JMJD8: variants seen among roughly 807,000 people sequenced by gnomAD.
JMJD8 encodes jumonji domain containing 8.
JMJD8 carries 56 observed loss-of-function variants against 37.6 expected under a neutral mutation model. That is an observed-to-expected ratio of 1.49 (90% CI 1.20 to 1.86). JMJD8 has a LOEUF of 1.86. Among genes scored for constraint, JMJD8 ranks in the 40% most tolerant of loss-of-function variants. JMJD8 has a pLI of 0.00. For missense variants in JMJD8, 542 were observed against 362.7 expected, an observed-to-expected ratio of 1.49 and a Z score of -4.01; for synonymous variants, 261 against 163.7, an observed-to-expected ratio of 1.59 and a Z score of -4.54.
At position 681,708 on chromosome 16, in the gene JMJD8, G is replaced by A. The variant is rs2039660354; in HGVS notation, c.*1086C>T. The A allele has an allele frequency of 1.3e-6, 2 of 1,553,204 alleles. No individual in the cohort carries two copies. Among genetic ancestry groups the A allele is most frequent in the East Asian group, 2.3e-5 (1 of 44,174 alleles). On this transcript the variant is annotated 3_prime_UTR_variant, in exon 9 of 9. Coordinates refer to ENST00000609261, the MANE Select transcript of JMJD8 (RefSeq NM_001005920.4). ...TTTACTGGCAAGCAGGAAATGTGGG[G>A]AAGTGTGGATGTTAGCTCTGAGATT...
rs749604959 is a variant in JMJD8, at chr16:683,882, C to G, written c.204G>C (p.Leu68=). The G allele has an allele frequency of 6.3e-7, 1 of 1,585,374 alleles. No individual in the cohort carries two copies. The highest frequency in any genetic ancestry group is 1.8e-5 in the Admixed American group (1 of 56,482). The change falls in exon 3 of 9, where the codon CTG becomes CTC. Residue 68 remains leucine, a synonymous_variant. Transcript: ENST00000609261. ...TCACCGAGTTGTCCGTGAGTCCCTG[C>G]AGGATGACGGGCCTGACGAAGGCGT... ...QQYAFVRPVI[L]QGLTDNSRFR... is the part of the protein sequence containing the mutation.
rs762026266 is a variant in JMJD8, at chr16:681,844, C to A, written c.*950G>T. On this transcript the variant is annotated 3_prime_UTR_variant, in exon 9 of 9. Coordinates refer to ENST00000609261, the MANE Select transcript of JMJD8 (RefSeq NM_001005920.4). ...ACGAGGGTGATGAGGACGACAGCCA[C>A]GTCCGGGCCCAGCAGGCCTGCATTG... The A allele has an allele frequency of 1.9e-6, 3 of 1,611,578 alleles. No homozygotes were observed. The highest frequency in any genetic ancestry group is 2.5e-6 in the Non-Finnish European group (3 of 1,179,082).
At position 682,263 on chromosome 16, in the gene JMJD8, C is replaced by T. The variant is rs2039695802; in HGVS notation, c.*531G>A. ...GTGGCATCACCTACGACCGCAAGGA[C>T]ATCGAGGAGCACCTGCAGGTGAGGC... On this transcript the variant is annotated 3_prime_UTR_variant, in exon 9 of 9. Transcript: ENST00000609261. 3 of 1,606,358 alleles carry T rather than the reference C, an allele frequency of 1.9e-6. No individual in the cohort carries two copies. The highest frequency in any genetic ancestry group is 2.5e-6 in the Non-Finnish European group (3 of 1,178,982).
At position 682,453 on chromosome 16, in the gene JMJD8, A is replaced by T. The variant is rs2039707561; in HGVS notation, c.*341T>A. On this transcript the variant is annotated 3_prime_UTR_variant, in exon 9 of 9. Coordinates refer to ENST00000609261, the MANE Select transcript of JMJD8 (RefSeq NM_001005920.4). ...TGGCTATGAAGGAGGTTATTGACGC[A>T]TTCATCTCTGAGAATGGCTGGGTGG... The T allele has an allele frequency of 1.2e-6, 2 of 1,613,368 alleles. No homozygotes were observed. Among genetic ancestry groups the T allele is most frequent in the African/African-American group, 1.3e-5 (1 of 74,928 alleles).
rs1417503643 is a variant in JMJD8, at chr16:682,647, G to T, written c.*147C>A. 1.4e-6 allele frequency: 2 copies of T among 1,413,214 alleles called. No homozygotes were observed. The highest frequency in any genetic ancestry group is 1.9e-6 in the Non-Finnish European group (2 of 1,033,534). The allele number at this position is 1,413,214 out of a possible 1,614,324, so 87.5% of individuals were successfully genotyped here. On this transcript the variant is annotated 3_prime_UTR_variant, in exon 9 of 9. Coordinates refer to ENST00000609261, the MANE Select transcript of JMJD8 (RefSeq NM_001005920.4). ...CCCCTCTCAGCATCGCTTTTGCTGG[G>T]CCGTGATCGTCCCCCTTTGTGGGCT...
Position 683,582 on chromosome 16 carries a change from C to A in JMJD8, c.339G>T (p.Gln113His). Reference protein sequence around the residue: ...YSYHKVDLPFQEYVEQLLHPQ... With the variant: ...YSYHKVDLPFHEYVEQLLHPQ... ...GGTGCAGCAGCTGCTCCACATACTC[C>A]TGGAAGGGCAAGTCCACTGCAGGAA... Residue 113 changes from glutamine (Q) to histidine (H), a missense_variant, in exon 5 of 9, where the codon CAG (glutamine) becomes CAT (histidine). Coordinates refer to ENST00000609261, the MANE Select transcript of JMJD8 (RefSeq NM_001005920.4). 6.3e-7 allele frequency: 1 copy of A among 1,577,244 alleles called. No homozygotes were observed. The highest frequency in any genetic ancestry group is 1.3e-5 in the African/African-American group (1 of 74,288).
At position 682,967 on chromosome 16, in the gene JMJD8, T is replaced by G. The variant is rs755808514; in HGVS notation, c.700A>C (p.Ile234Leu). 3.7e-6 allele frequency: 6 copies of G among 1,613,062 alleles called. No homozygotes were observed. The South Asian group carries it at 5.5e-5, about 15-fold the overall frequency. The change falls in exon 8 of 9, where the codon ATC (isoleucine) becomes CTC (leucine). Residue 234 changes from isoleucine to leucine, a missense_variant. Physicochemically the swap from Ile to Leu is conservative, Grantham distance 5. Transcript: ENST00000609261. ...CAGCCACTGACCTCACCAGCCCGGA[T>G]GGTACACTCCAGGGGCCGTGCAGAC... ...PPSARPLECTIRAGEVLYFPD... is the reference protein window; with the variant it reads ...PPSARPLECTLRAGEVLYFPD...
chr16:681,971 G>A lies in JMJD8; in HGVS notation c.*823C>T, dbSNP rs545121101. 3 of 1,612,420 alleles carry A rather than the reference G, an allele frequency of 1.9e-6. No individual in the cohort carries two copies. In the African/African-American group the frequency reaches 4.0e-5, roughly 21 times the overall value. On this transcript the variant is annotated 3_prime_UTR_variant, in exon 9 of 9. Coordinates refer to ENST00000609261, the MANE Select transcript of JMJD8 (RefSeq NM_001005920.4). ...TTGTGTTGGGTCTGTGCCCCATGGA[G>A]GAGGGAGGTGGGGTGTCTCCCCCAA... is the stretch of plus-strand genomic sequence containing the variant.
rs2039804626 is a variant in JMJD8, at chr16:683,796, AG to A, written c.226-16del. ...GCCCGGAACCTCTGCGGGGGCGGGG[AG>A]GGGACTTAGTGGCCGGGCCCAGCAC... On this transcript the variant is annotated splice_polypyrimidine_tract_variant and intron_variant, in intron 3 of 8. Coordinates refer to ENST00000609261, the MANE Select transcript of JMJD8 (RefSeq NM_001005920.4). 6.3e-7 allele frequency: 1 copy of A among 1,596,434 alleles called. No homozygotes were observed. The highest frequency in any genetic ancestry group is 8.5e-7 in the Non-Finnish European group (1 of 1,172,626).
At position 683,824 on chromosome 16, in the gene JMJD8, G is replaced by A. The variant is rs1445497590; in HGVS notation, c.225+37C>T. The A allele has an allele frequency of 1.9e-6, 3 of 1,586,432 alleles. No homozygotes were observed. The African/African-American group carries it at 4.0e-5, about 21-fold the overall frequency. On this transcript the variant is annotated intron_variant, in intron 3 of 8. Coordinates refer to ENST00000609261, the MANE Select transcript of JMJD8 (RefSeq NM_001005920.4). ...GGACTTAGTGGCCGGGCCCAGCACG[G>A]GCGAGAGTGGCCGGGGACGGACGGG...
Position 684,080 on chromosome 16 carries a change from C to A in JMJD8, c.162G>T (p.Ala54=). ...TVERRADLTY[A]EFVQQYAFVR... is the part of the protein sequence containing the mutation. The stretch of plus-strand genomic sequence containing the variant: ...GGCGCACGTACTGCTGCACGAACTC[C>A]GCGTAGGTGAGGTCGGCCCGACGCT... Residue 54 remains alanine (A), a synonymous_variant, in exon 2 of 9, where the codon GCG becomes GCT. Coordinates refer to ENST00000609261, the MANE Select transcript of JMJD8 (RefSeq NM_001005920.4). The A allele has an allele frequency of 6.3e-7, 1 of 1,579,128 alleles. No individual in the cohort carries two copies. The highest frequency in any genetic ancestry group is 8.5e-7 in the Non-Finnish European group (1 of 1,171,118).
rs1037970095 is a variant in JMJD8, at chr16:682,658, C to A, written c.*136G>T. On this transcript the variant is annotated 3_prime_UTR_variant, in exon 9 of 9. Transcript: ENST00000609261. ...ATCGCTTTTGCTGGGCCGTGATCGT[C>A]CCCCTTTGTGGGCTGGAAAAGCAGG... 4.3e-6 allele frequency: 6 copies of A among 1,404,944 alleles called. No homozygotes were observed. The highest frequency in any genetic ancestry group is 3.9e-6 in the Non-Finnish European group (4 of 1,025,668). The allele number at this position is 1,404,944 out of a possible 1,614,324, so 87.0% of individuals were successfully genotyped here. A position where few individuals can be genotyped will look rare whatever the true frequency, so the allele number is the denominator to read the frequency against.
In JMJD8 at chr16:684,268, G is replaced by C. The variant is rs1041151357; in HGVS notation, c.52C>G (p.Leu18Val). The C allele has an allele frequency of 1.4e-6, 2 of 1,429,930 alleles. No individual in the cohort carries two copies. The highest frequency in any genetic ancestry group is 9.1e-7 in the Non-Finnish European group (1 of 1,100,644). 88.6% of individuals were successfully genotyped at this position (1,429,930 alleles called of 1,614,324 possible). Reference protein sequence around the residue: ...LALWALAAVALPGSGAEGDGG... With the variant: ...LALWALAAVAVPGSGAEGDGG... ...TCGCCCTCCGCCCCGGAGCCGGGTA[G>C]AGCCACAGCCGCCAGCGCCCAGAGC... The change falls in exon 1 of 9, where the codon CTA (leucine) becomes GTA (valine). Residue 18 changes from leucine (L) to valine (V), a missense_variant. Physicochemically the swap from Leu to Val is conservative, Grantham distance 32. Coordinates refer to ENST00000609261, the MANE Select transcript of JMJD8 (RefSeq NM_001005920.4).
Position 681,847 on chromosome 16 carries a change from C to A in JMJD8, c.*947G>T. 2 of 1,611,874 alleles carry A rather than the reference C, an allele frequency of 1.2e-6. No homozygotes were observed. Among genetic ancestry groups the A allele is most frequent in the African/African-American group, 1.3e-5 (1 of 75,052 alleles). ...AGGGTGATGAGGACGACAGCCACGT[C>A]CGGGCCCAGCAGGCCTGCATTGAGG... On this transcript the variant is annotated 3_prime_UTR_variant, in exon 9 of 9. Transcript: ENST00000609261.
At position 681,710 on chromosome 16, in the gene JMJD8, A is replaced by G. The variant is rs2039660452; in HGVS notation, c.*1084T>C. Reference sequence around the variant, plus strand: ...TACTGGCAAGCAGGAAATGTGGGGAAGTGTGGATGTTAGCTCTGAGATTGG... The same window carrying G: ...TACTGGCAAGCAGGAAATGTGGGGAGGTGTGGATGTTAGCTCTGAGATTGG... On this transcript the variant is annotated 3_prime_UTR_variant, in exon 9 of 9. Transcript: ENST00000609261. The G allele has an allele frequency of 2.6e-6, 4 of 1,551,880 alleles. No individual in the cohort carries two copies. The highest frequency in any genetic ancestry group is 3.5e-6 in the Non-Finnish European group (4 of 1,143,088).
chr16:681,994 C>G lies in JMJD8; in HGVS notation c.*800G>C. On this transcript the variant is annotated 3_prime_UTR_variant, in exon 9 of 9. Transcript: ENST00000609261. The stretch of plus-strand genomic sequence containing the variant: ...GAGGAGGGAGGTGGGGTGTCTCCCC[C>G]AAGCACAGCACTCAACTCTTCACAG... 6.2e-7 allele frequency: 1 copy of G among 1,612,038 alleles called. No individual in the cohort carries two copies. The highest frequency in any genetic ancestry group is 8.5e-7 in the Non-Finnish European group (1 of 1,178,850).
rs774213439 is a variant in JMJD8 at position 683,492 on chromosome 16, G to A, written c.391+38C>T. On this transcript the variant is annotated intron_variant, in intron 5 of 8. Coordinates refer to ENST00000609261, the MANE Select transcript of JMJD8 (RefSeq NM_001005920.4). ...GGATCCTGGCACCTGGAGACTCCAA[G>A]CGTCCCCACCCCCTACCGCCGCCTA... is the stretch of plus-strand genomic sequence containing the variant. 24 of 1,546,570 alleles carry A rather than the reference G, an allele frequency of 1.6e-5. No individual in the cohort carries two copies. In the East Asian group the frequency reaches 5.6e-4, roughly 36 times the overall value.
Position 684,135 on chromosome 16 carries a change from GC to G in JMJD8, c.106del (p.Ala36ProfsTer62), listed in dbSNP as rs2039831295. 19 of 1,501,082 alleles carry G rather than the reference GC, an allele frequency of 1.3e-5. No individual in the cohort carries two copies. The highest frequency in any genetic ancestry group is 8.3e-5 in the East Asian group (3 of 36,066). 93.0% of individuals were successfully genotyped at this position (1,501,082 alleles called of 1,614,324 possible). ...CGTGCAGCGCTCCTCCTCCGCCACG[GC>G]CCCCGGCCCGCCCGGGCGCCTGCGG... ...DGGWRPGGPGAVAEEERCTVE... is the reference protein window; with the variant it reads ...DGGWRPGGPGXVAEEERCTVE... On this transcript the variant is annotated frameshift_variant, in exon 2 of 9. Coordinates refer to ENST00000609261, the MANE Select transcript of JMJD8 (RefSeq NM_001005920.4). LOFTEE classifies it high-confidence loss of function.
In JMJD8 at chr16:681,850, G is replaced by A. The variant is rs778762773; in HGVS notation, c.*944C>T. On this transcript the variant is annotated 3_prime_UTR_variant, in exon 9 of 9. Coordinates refer to ENST00000609261, the MANE Select transcript of JMJD8 (RefSeq NM_001005920.4). ...GTGATGAGGACGACAGCCACGTCCG[G>A]GCCCAGCAGGCCTGCATTGAGGCCA... 1.9e-6 allele frequency: 3 copies of A among 1,612,032 alleles called. No individual in the cohort carries two copies. The highest frequency in any genetic ancestry group is 2.2e-5 in the East Asian group (1 of 44,834).
Sources: allele counts gnomAD v4.1 joint callset, GRCh38; gene constraint gnomAD v4.1.1; transcripts MANE v1.5; gene names NCBI Gene and HGNC (gene_info 2026-07-23, HGNC 2026-07-21).